PKP2: variants seen among roughly 807,000 people sequenced by gnomAD.
PKP2 encodes plakophilin-2.
In PKP2, 73 loss-of-function variants were observed where a neutral mutation model predicts 83.4. The ratio of observed to expected loss-of-function variants is 0.88; its 90% confidence interval spans 0.72 to 1.06. PKP2 has a LOEUF of 1.06. Among genes scored for constraint, PKP2 ranks in the 50% least tolerant of loss-of-function variants. PKP2 has a pLI of 0.00. For synonymous variants in PKP2, 409 were observed against 430.4 expected (o/e 0.95, Z 0.62); for missense variants, 966 against 1,065.4 (o/e 0.91, Z 1.30).
intron 3 of PKP2, among the ~76,000 whole-genome samples, chr12:32,873,189 T>G (rs1956908141): frequency 1.3e-5 from 2 of 152,128 alleles, no homozygotes; most frequent in Admixed American, 6.5e-5. Context: ...AGCCTGGACC[T>G]CCCAGGCTCA....
chr12:32,830,957 C>T (rs1187649026), intron 6 of PKP2, among the ~76,000 whole-genome samples: 1 of 151,560 alleles, frequency 6.6e-6, no homozygotes, highest in East Asian at 1.9e-4. Context: ...TCAGGTTTTC[C>T]AAAAGCATTC....
rs1201854178 is a variant in PKP2 at position 32,819,313 on chromosome 12, C to CAATAA, written c.2013+2038_2013+2042dup. On this transcript the variant is annotated intron_variant, in intron 9 of 12. Coordinates refer to ENST00000340811, the MANE Select transcript of PKP2 (RefSeq NM_001005242.3). ...CAATACAATACAATACAATACAATA[C>CAATAA]AATAAAATAAAATAAAATAAAATAA... is the stretch of plus-strand genomic sequence containing the variant. Among the ~76,000 whole-genome samples the CAATAA allele has an allele frequency of 3.8e-3, 561 of 146,442 alleles. 7 individuals are homozygous for CAATAA. Among genetic ancestry groups the CAATAA allele is most frequent in the East Asian group, 0.028 (135 of 4,750 alleles).
intron 4 of PKP2, among the ~76,000 whole-genome samples, chr12:32,866,598 T>C (rs1003343513): frequency 2.8e-5 from 4 of 142,452 alleles, no homozygotes; most frequent in South Asian, 2.3e-4. Context: ...CCCTTTGTCA[T>C]TGGGGAAATG....
At chr12:32,871,211 C>A (rs1419969709) in intron 3 of PKP2, among the ~76,000 whole-genome samples, 2 of 152,100 alleles carry the variant, frequency 1.3e-5, no homozygotes, top group African/African-American at 4.8e-5. Flanking sequence ...TCACAAGCCA[C>A]CTTCTTTGAC....
intron 8 of PKP2, 97 bp from the exon 9 acceptor site, chr12:32,821,626 G>T (rs1410579132): frequency 2.4e-6 from 3 of 1,227,070 alleles, no homozygotes; most frequent in Admixed American, 3.7e-5. Flanking sequence ...GTCTAGAAAG[G>T]CTCATAATTT....
chr12:32,817,676 GT>G (rs1194655265), intron 9 of PKP2, among the ~76,000 whole-genome samples: 2 of 152,150 alleles, frequency 1.3e-5, no homozygotes, highest in Non-Finnish European at 2.9e-5. Context: ...GTCTTTCCCT[GT>G]TTCAGGTCAT....
intron 6 of PKP2, 28 bp downstream of exon 6, chr12:32,841,000 T>C: frequency 6.3e-7 from 1 of 1,585,852 alleles, no homozygotes; most frequent in Non-Finnish European, 8.6e-7. Context: ...TTGCATCTTC[T>C]ATCAGGGCAG....
rs2137692274 is a variant in PKP2 at position 32,790,792 on chromosome 12, T to G, written c.*1632A>C. The stretch of plus-strand genomic sequence containing the variant: ...TATTATCGAAGGCTTTATTAATGCC[T>G]TAAAAAACACAAAAAGTTCTGAACA... On this transcript the variant is annotated 3_prime_UTR_variant, in exon 13 of 13. Coordinates refer to ENST00000340811, the MANE Select transcript of PKP2 (RefSeq NM_001005242.3). The G allele has an allele frequency of 6.6e-6, 1 of 152,290 alleles. No individual in the cohort carries two copies. The highest frequency in any genetic ancestry group is 1.9e-4 in the East Asian group (1 of 5,192). The allele number at this position is 152,290 out of a possible 1,614,324, so 9.4% of individuals were successfully genotyped here.
At chr12:32,876,762 T>C (rs1429097992) in intron 3 of PKP2, among the ~76,000 whole-genome samples, 1 of 152,212 alleles carries the variant, frequency 6.6e-6, no homozygotes, top group East Asian at 1.9e-4. Flanking sequence ...ACTCCTAAAC[T>C]CAAGTGATTC....
chr12:32,850,790 A>G lies in PKP2; in HGVS notation c.1354T>C (p.Leu452=). 6.2e-7 allele frequency: 1 copy of G among 1,612,954 alleles called. No individual in the cohort carries two copies. Among genetic ancestry groups the G allele is most frequent in the Non-Finnish European group, 8.5e-7 (1 of 1,179,802 alleles). The change falls in exon 5 of 13, where the codon TTG becomes CTG. Residue 452 remains leucine (L), a synonymous_variant. Coordinates refer to ENST00000340811, the MANE Select transcript of PKP2 (RefSeq NM_001005242.3). ...LLQVLKQTRD[L]ETKKQITGLL... is the part of the protein sequence containing the mutation. The stretch of plus-strand genomic sequence containing the variant: ...CCTGTTATTTGTTTTTTAGTCTCCA[A>G]GTCTCTGGTTTGCTTCAGCACCTGG...
chr12:32,832,126 C>A (rs1271645330), intron 6 of PKP2, among the ~76,000 whole-genome samples: 2 of 152,112 alleles, frequency 1.3e-5, no homozygotes, highest in African/African-American at 4.8e-5. Flanking sequence ...CTCCTGTAAT[C>A]CCAGCACCTT....
chr12:32,842,604 A>T (rs761219884), intron 5 of PKP2, among the ~76,000 whole-genome samples: 1 of 151,996 alleles, frequency 6.6e-6, no homozygotes, highest in Non-Finnish European at 1.5e-5. Context: ...AAAGGAGAAG[A>T]GGGGCAGAAA....
Position 32,868,935 on chromosome 12 carries a change from G to A in PKP2, c.1162C>T (p.Arg388Trp), listed in dbSNP as rs766209297. Residue 388 changes from arginine to tryptophan, a missense_variant, in exon 4 of 13, where the codon CGG becomes TGG. By Grantham distance (101) the Arg-to-Trp change is moderately radical. Transcript: ENST00000340811. ...CTGAAGATGACACTCACCCTCTTCC[G>A]AGCTTCAGATTTCTGGAAGCACTCG... ...QHECFQKSEA[R>W]KRVNQLRGIL... is the part of the protein sequence containing the mutation. 15 of 1,612,918 alleles carry A rather than the reference G, an allele frequency of 9.3e-6. No individual in the cohort carries two copies. Among genetic ancestry groups the A allele is most frequent in the East Asian group, 4.5e-5 (2 of 44,898 alleles).
At chr12:32,832,115 G>T (rs1377428848) in intron 6 of PKP2, among the ~76,000 whole-genome samples, 3 of 152,034 alleles carry the variant, frequency 2.0e-5, no homozygotes, top group Non-Finnish European at 2.9e-5. Context: ...AGGCGGGGTG[G>T]CTCCTGTAAT....
chr12:32,866,665 A>G lies in PKP2; in HGVS notation c.1170+2262T>C, dbSNP rs148474063. Among the ~76,000 whole-genome samples the G allele has an allele frequency of 1.4e-4, 21 of 152,026 alleles. No homozygotes were observed. The East Asian group carries it at 4.1e-3, about 29-fold the overall frequency. ...AACTTACAGGCTAACATTAAGGCTC[A>G]CTATATCAAATGTTAAGATGAGGAG... On this transcript the variant is annotated intron_variant, in intron 4 of 12. Coordinates refer to ENST00000340811, the MANE Select transcript of PKP2 (RefSeq NM_001005242.3).
intron 1 of PKP2, among the ~76,000 whole-genome samples, chr12:32,887,601 T>C (rs1307339327): frequency 6.6e-6 from 1 of 152,154 alleles, no homozygotes; most frequent in African/African-American, 2.4e-5. Context: ...TACAGGTGTG[T>C]GCCACCATGC....
At position 32,792,374 on chromosome 12, in the gene PKP2, G is replaced by C; in HGVS notation, c.*50C>G. Reference sequence around the variant, plus strand: ...TCTTGGGCTGGGTAGTAGAAAAATAGGTGTTTTCCTTTGGGGATTTTTGCA... The same window carrying C: ...TCTTGGGCTGGGTAGTAGAAAAATACGTGTTTTCCTTTGGGGATTTTTGCA... On this transcript the variant is annotated 3_prime_UTR_variant, in exon 13 of 13. Transcript: ENST00000340811. 1.5e-6 allele frequency: 2 copies of C among 1,322,308 alleles called. No homozygotes were observed. Among genetic ancestry groups the C allele is most frequent in the Non-Finnish European group, 2.2e-6 (2 of 913,836 alleles). The allele number at this position is 1,322,308 out of a possible 1,614,324, so 81.9% of individuals were successfully genotyped here. A position where few individuals can be genotyped will look rare whatever the true frequency, so the allele number is the denominator to read the frequency against.
chr12:32,847,953 A>T (rs1258650355), intron 5 of PKP2, among the ~76,000 whole-genome samples: 1 of 151,734 alleles, frequency 6.6e-6, no homozygotes, highest in Admixed American at 6.6e-5. Flanking sequence ...AAACAAAAAA[A>T]CCCCAAATCC....
chr12:32,851,512 A>C (rs906412451), intron 4 of PKP2, among the ~76,000 whole-genome samples: 3 of 152,204 alleles, frequency 2.0e-5, no homozygotes, highest in Non-Finnish European at 2.9e-5. Flanking sequence ...TCTGTCACCC[A>C]GGCTGGAATG....
Sources: gnomAD v4.1 joint callset for allele counts (sites outside exome capture counted in the v4.1 genomes callset) on GRCh38, gnomAD v4.1.1 for gene constraint, MANE v1.5 for transcripts, NCBI Gene and HGNC (gene_info 2026-07-23, HGNC 2026-07-21) for gene names.